Variants in RNF144A observed in about 807,000 individuals in gnomAD.
RNF144A encodes the protein ring finger protein 144A, also known as E3 ubiquitin-protein ligase RNF144A.
In RNF144A, 11 loss-of-function variants were observed where a neutral mutation model predicts 38.7. That is an observed-to-expected ratio of 0.28 (90% confidence interval 0.18 to 0.47). The LOEUF (loss-of-function observed/expected upper bound fraction) is 0.47. RNF144A is among the 20% of genes least tolerant of loss of function. The pLI, the probability that RNF144A is intolerant of heterozygous loss-of-function variation, is 0.99. For missense variants in RNF144A, 316 were observed against 377.2 expected (o/e 0.84, Z 1.34); for synonymous variants, 149 against 143.9 (o/e 1.04, Z -0.25).
intron 2 of RNF144A, among the ~76,000 whole-genome samples, chr2:6,959,698 C>T (rs1382889402): frequency 6.6e-6 from 1 of 152,184 alleles, no homozygotes; most frequent in African/African-American, 2.4e-5. Context: ...CCTATGATAA[C>T]CCATTAATCT....
intron 6 of RNF144A, among the ~76,000 whole-genome samples, chr2:7,023,086 T>C (rs925950981): frequency 2.0e-5 from 3 of 152,352 alleles, no homozygotes; most frequent in Admixed American, 6.5e-5. Context: ...GCCTTATTCA[T>C]CTGGTTTGCA....
At chr2:7,023,813 A>G (rs1358721546) in intron 6 of RNF144A, among the ~76,000 whole-genome samples, 6 of 152,358 alleles carry the variant, frequency 3.9e-5, no homozygotes, top group African/African-American at 1.4e-4. Flanking sequence ...CTCTGACCTC[A>G]GCTTAAAGCC....
chr2:6,963,031 G>T (rs1558387538), intron 2 of RNF144A, among the ~76,000 whole-genome samples: 1 of 152,182 alleles, frequency 6.6e-6, no homozygotes, highest in Non-Finnish European at 1.5e-5. Flanking sequence ...CTAGAATTAG[G>T]CTAAGTTATA....
intron 3 of RNF144A, among the ~76,000 whole-genome samples, chr2:7,013,401 C>T (rs1572401242): frequency 6.6e-6 from 1 of 152,076 alleles, no homozygotes; most frequent in African/African-American, 2.4e-5. Context: ...TACGTTTTTG[C>T]GGGGAGATGT....
chr2:6,992,995 G>A (rs182503921), intron 2 of RNF144A, among the ~76,000 whole-genome samples: 1 of 152,302 alleles, frequency 6.6e-6, no homozygotes, highest in East Asian at 1.9e-4. Context: ...GGAAAACAAA[G>A]ACTGTGCTTT....
chr2:7,043,798 G>A lies in RNF144A; in HGVS notation c.*4038G>A. ...AGCCTTCAGTGAGGGGTAGCTACAT[G>A]CCCCATGCCTGCCCTTTCTTTCCTT... On this transcript the variant is annotated 3_prime_UTR_variant, in exon 9 of 9. Coordinates refer to ENST00000320892, the MANE Select transcript of RNF144A (RefSeq NM_014746.6). 1.0e-6 allele frequency: 1 copy of A among 985,846 alleles called. No individual in the cohort carries two copies. The highest frequency in any genetic ancestry group is 1.2e-6 in the Non-Finnish European group (1 of 829,926). 61.1% of individuals were successfully genotyped at this position (985,846 alleles called of 1,614,324 possible).
intron 6 of RNF144A, among the ~76,000 whole-genome samples, chr2:7,061,349 C>T (rs1673945984): frequency 6.6e-6 from 1 of 152,186 alleles, no homozygotes; most frequent in Non-Finnish European, 1.5e-5. Flanking sequence ...CACCAGGCTT[C>T]AGCTGAATAT....
chr2:7,044,106 G>C lies in RNF144A; in HGVS notation c.*4346G>C, dbSNP rs1056050886. The C allele has an allele frequency of 2.0e-6, 2 of 985,598 alleles. No homozygotes were observed. The highest frequency in any genetic ancestry group is 1.2e-4 in the Admixed American group (2 of 16,262). 61.1% of individuals were successfully genotyped at this position (985,598 alleles called of 1,614,324 possible). A position where few individuals can be genotyped will look rare whatever the true frequency, so the allele number is the denominator to read the frequency against. ...ATATTTTAAATGTATTGTGTCTTACGTAGTTTGTCCCCCCCTTTAGCAGGG... is the reference window on the plus strand; with the variant it reads ...ATATTTTAAATGTATTGTGTCTTACCTAGTTTGTCCCCCCCTTTAGCAGGG... On this transcript the variant is annotated 3_prime_UTR_variant, in exon 9 of 9. Transcript: ENST00000320892.
rs1667132889 is a variant in RNF144A at position 6,958,322 on chromosome 2, C to G, written c.-12+17175C>G. On this transcript the variant is annotated intron_variant, in intron 2 of 8. Coordinates refer to ENST00000320892, the MANE Select transcript of RNF144A (RefSeq NM_014746.6). This position sits in a 1 kb window ranked among gnomAD's most constrained non-coding sequence, Gnocchi z 4.5. ...GCAGCCTGCCGTGCCAGAGACAGAA[C>G]AGACACACGGACAAGGGCAAGCCTT... Among the ~76,000 whole-genome samples, 1 of 152,240 alleles carries G rather than the reference C, an allele frequency of 6.6e-6. No individual in the cohort carries two copies. The highest frequency in any genetic ancestry group is 2.4e-5 in the African/African-American group (1 of 41,468).
intron 3 of RNF144A, among the ~76,000 whole-genome samples, chr2:7,007,690 T>C (rs574221156): frequency 6.6e-6 from 1 of 152,284 alleles, no homozygotes; most frequent in Admixed American, 6.5e-5. Context: ...GCCTCTGATG[T>C]TGGTGCTGTC....
intron 3 of RNF144A, among the ~76,000 whole-genome samples, chr2:6,998,098 G>GA (rs1669875039): frequency 1.3e-5 from 2 of 149,922 alleles, no homozygotes; most frequent in Non-Finnish European, 3.0e-5. Context: ...AATTATAACT[G>GA]AAAAAAGCTG....
chr2:6,922,566 C>G (rs985584419), intron 1 of RNF144A, among the ~76,000 whole-genome samples: 6 of 151,588 alleles, frequency 4.0e-5, no homozygotes, highest in Admixed American at 2.0e-4. Context: ...CAGAATGCAG[C>G]AAGCTTGACT....
At chr2:7,063,399 T>G (rs1037449775) in intron 6 of RNF144A, among the ~76,000 whole-genome samples, 3 of 152,032 alleles carry the variant, frequency 2.0e-5, no homozygotes, top group African/African-American at 7.2e-5. Context: ...TGGGAGTGAT[T>G]ATGGGTTTAG....
intron 2 of RNF144A, among the ~76,000 whole-genome samples, chr2:6,981,954 A>G (rs1668657437): frequency 6.6e-6 from 1 of 152,240 alleles, no homozygotes; most frequent in Non-Finnish European, 1.5e-5. Flanking sequence ...GGCAGAAGGC[A>G]AAAGGGAAGC....
chr2:6,960,246 G>A (rs1164586251), intron 2 of RNF144A, among the ~76,000 whole-genome samples: 1 of 152,168 alleles, frequency 6.6e-6, no homozygotes, highest in East Asian at 1.9e-4. Context: ...TATATCATAG[G>A]CCCTTGTGCC....
At chr2:6,996,800 T>C in intron 2 of RNF144A, 116 bp from the exon 3 acceptor site, 1 of 1,008,800 alleles carries the variant, frequency 9.9e-7, no homozygotes, top group Non-Finnish European at 1.5e-6. Context: ...CTAGGCTCCA[T>C]CAGCAGTCAG....
At chr2:6,950,618 A>G (rs1666617636) in intron 2 of RNF144A, among the ~76,000 whole-genome samples, 1 of 152,232 alleles carries the variant, frequency 6.6e-6, no homozygotes, top group Non-Finnish European at 1.5e-5. Flanking sequence ...AAAATGTTGT[A>G]ATGATTTCTG....
At chr2:6,957,191 TTC>T (rs1317125212) in intron 2 of RNF144A, among the ~76,000 whole-genome samples, 3 of 152,164 alleles carry the variant, frequency 2.0e-5, no homozygotes, top group African/African-American at 4.8e-5. Flanking sequence ...GAGAAACCCC[TTC>T]TCTGTCCCAC....
At chr2:7,070,538 C>T (rs138422084), downstream of RNF144A, among the ~76,000 whole-genome samples, 212 of 152,258 alleles carry the variant, frequency 1.4e-3, 1 homozygote, top group African/African-American at 4.9e-3. Flanking sequence ...CCTCCCAGTA[C>T]ATGTGAATGT....
Sources: allele counts gnomAD v4.1 joint callset (sites outside exome capture counted in the v4.1 genomes callset), GRCh38; gene constraint gnomAD v4.1.1; non-coding constraint Gnocchi (gnomAD v3.1); transcripts MANE v1.5; gene names NCBI Gene and HGNC (gene_info 2026-07-23, HGNC 2026-07-21).